Variants in MAP3K1 observed in about 807,000 individuals in gnomAD.
The protein encoded by MAP3K1 is mitogen-activated protein kinase kinase kinase 1, also known as MAP/ERK kinase kinase 1.
In MAP3K1, 36 loss-of-function variants were observed where a neutral mutation model predicts 144.2. That is an observed-to-expected ratio of 0.25 (90% CI 0.19 to 0.33). MAP3K1 has a LOEUF of 0.33. Ranked by LOEUF, MAP3K1 falls within the 10% of genes least tolerant of loss-of-function variation. The pLI, the probability that MAP3K1 is intolerant of heterozygous loss-of-function variation, is 1.00. For missense variants in MAP3K1, 1,650 were observed against 1,881.9 expected, an observed-to-expected ratio of 0.88 and a Z score of 2.28; for synonymous variants, 718 against 688.7, an observed-to-expected ratio of 1.04 and a Z score of -0.67.
chr5:56,880,842 T>C (rs753024889), intron 12 of MAP3K1, 40 bp downstream of exon 12: 3 of 1,500,052 alleles, frequency 2.0e-6, no homozygotes, highest in South Asian at 2.3e-5. Flanking sequence ...GCATATTTTA[T>C]CATGTTCCTG....
chr5:56,816,695 C>T (rs1745985131), intron 1 of MAP3K1, among the ~76,000 whole-genome samples: 1 of 152,166 alleles, frequency 6.6e-6, no homozygotes, highest in South Asian at 2.1e-4. Flanking sequence ...AGGAGGACGG[C>T]TCGGTAACGC....
At chr5:56,827,818 C>T (rs551239837) in intron 1 of MAP3K1, among the ~76,000 whole-genome samples, 4 of 151,644 alleles carry the variant, frequency 2.6e-5, no homozygotes, top group South Asian at 2.1e-4. Context: ...GAGCTGAGAT[C>T]GCGCCACTGC....
chr5:56,834,673 C>T (rs932862643), intron 1 of MAP3K1, among the ~76,000 whole-genome samples: 2 of 152,134 alleles, frequency 1.3e-5, no homozygotes, highest in African/African-American at 4.8e-5. Flanking sequence ...GATGCCACTG[C>T]ACTCCAGCCT....
intron 1 of MAP3K1, among the ~76,000 whole-genome samples, chr5:56,830,676 C>T (rs1746458624): frequency 6.6e-6 from 1 of 152,052 alleles, no homozygotes; most frequent in African/African-American, 2.4e-5. Flanking sequence ...CAGATGCTGT[C>T]CTTCTGCTTT....
Position 56,882,717 on chromosome 5 carries a change from C to G in MAP3K1, c.3517C>G (p.His1173Asp), listed in dbSNP as rs781361183. The change falls in exon 14 of 20, where the codon CAT (histidine) becomes GAT (aspartate). Residue 1173 changes from histidine (H) to aspartate (D), a missense_variant. This residue lies in a region of MAP3K1 where 841 missense variants were observed against 886.5 expected (regional missense o/e 0.95). Transcript: ENST00000399503. ...NDDTYKDDVNHNQKCKEKMEA... is the reference protein window; with the variant it reads ...NDDTYKDDVNDNQKCKEKMEA... Reference sequence around the variant, plus strand: ...TGATACCTACAAAGATGATGTGAATCATAATCAAAAGTGCAAAGAGAAGAT... The same window carrying G: ...TGATACCTACAAAGATGATGTGAATGATAATCAAAAGTGCAAAGAGAAGAT... The G allele has an allele frequency of 6.2e-7, 1 of 1,613,758 alleles. No homozygotes were observed. The highest frequency in any genetic ancestry group is 8.5e-7 in the Non-Finnish European group (1 of 1,179,870).
chr5:56,839,192 A>G (rs182205671), intron 1 of MAP3K1, among the ~76,000 whole-genome samples: 7 of 152,370 alleles, frequency 4.6e-5, no homozygotes, highest in Non-Finnish European at 7.3e-5. Context: ...GGTTGAGTAC[A>G]TGAACAGCAG....
Position 56,887,384 on chromosome 5 carries a change from A to G in MAP3K1, c.4121A>G (p.Asn1374Ser). 4 of 1,614,112 alleles carry G rather than the reference A, an allele frequency of 2.5e-6. No individual in the cohort carries two copies. The highest frequency in any genetic ancestry group is 3.4e-6 in the Non-Finnish European group (4 of 1,180,000). Reference protein sequence around the residue: ...QIIHRDVKGANLLIDSTGQRL... With the variant: ...QIIHRDVKGASLLIDSTGQRL... ...TTGCTGTGTTTGTTGACAGGTGCCA[A>G]TTTGCTAATTGACAGCACTGGTCAG... Residue 1374 changes from asparagine (N) to serine (S), a missense_variant, in exon 18 of 20, where the codon AAT (asparagine) becomes AGT (serine). Coordinates refer to ENST00000399503, the MANE Select transcript of MAP3K1 (RefSeq NM_005921.2).
chr5:56,872,579 T>C (rs1483501912), intron 7 of MAP3K1, 62 bp from the exon 8 acceptor site: 4 of 945,688 alleles, frequency 4.2e-6, no homozygotes, highest in African/African-American at 1.7e-5. Flanking sequence ...TAAACAGTTA[T>C]GAAATAAAAA....
chr5:56,864,585 G>A (rs748527074), intron 3 of MAP3K1, 149 bp from the exon 4 acceptor site: 28 of 726,402 alleles, frequency 3.9e-5, no homozygotes, highest in Admixed American at 1.3e-4. Flanking sequence ...ATGTTAACCC[G>A]GATGGTCTGG....
intron 3 of MAP3K1, among the ~76,000 whole-genome samples, chr5:56,862,843 A>T (rs1413100095): frequency 6.6e-6 from 1 of 152,164 alleles, no homozygotes; most frequent in African/African-American, 2.4e-5. Context: ...CATCTACTGT[A>T]CAATTCACCT....
intron 1 of MAP3K1, among the ~76,000 whole-genome samples, chr5:56,847,642 A>G (rs1747039594): frequency 6.6e-6 from 1 of 152,228 alleles, no homozygotes; most frequent in South Asian, 2.1e-4. Flanking sequence ...TCTCAAATTC[A>G]TATTTGAATA....
chr5:56,872,999 G>C lies in MAP3K1; in HGVS notation c.1680G>C (p.Trp560Cys). ...CTTACAAAGATTTAGCTGAGCCATGGATTCAGGTAAGTAGTTCTTTGTTTT... is the reference window on the plus strand; with the variant it reads ...CTTACAAAGATTTAGCTGAGCCATGCATTCAGGTAAGTAGTTCTTTGTTTT... ...PPAYKDLAEP[W>C]IQVFGMELVG... The change falls in exon 9 of 20, where the codon TGG (tryptophan) becomes TGC (cysteine). Residue 560 changes from tryptophan (W) to cysteine (C), a missense_variant. By Grantham distance (215) the Trp-to-Cys change is radical. Around this residue, in one of 6 missense-constraint regions of MAP3K1, gnomAD observed 841 missense variants for 886.5 expected, o/e 0.95. Coordinates refer to ENST00000399503, the MANE Select transcript of MAP3K1 (RefSeq NM_005921.2). 1 of 1,613,652 alleles carries C rather than the reference G, an allele frequency of 6.2e-7. No homozygotes were observed. The highest frequency in any genetic ancestry group is 8.5e-7 in the Non-Finnish European group (1 of 1,179,712).
In MAP3K1 at chr5:56,817,028, G is replaced by A. The variant is rs547712713; in HGVS notation, c.482+973G>A. On this transcript the variant is annotated intron_variant, in intron 1 of 19. Transcript: ENST00000399503. ...TGCTTCCTGCTCGGTGCCCTGGCGC[G>A]GGCCGCCCGCTGAATTCCAGGGGCC... The A allele has an allele frequency of 2.3e-4, 224 of 983,954 alleles. No individual in the cohort carries two copies. The African/African-American group carries it at 3.8e-3, about 17-fold the overall frequency. 61.0% of individuals were successfully genotyped at this position (983,954 alleles called of 1,614,324 possible).
intron 1 of MAP3K1, among the ~76,000 whole-genome samples, chr5:56,822,439 G>C (rs1021701316): frequency 3.9e-5 from 6 of 152,150 alleles, no homozygotes; most frequent in Non-Finnish European, 8.8e-5. Flanking sequence ...AAAATAATTG[G>C]AGCCATGCTC....
chr5:56,886,160 T>G, intron 17 of MAP3K1, 97 bp downstream of exon 17: 1 of 993,432 alleles, frequency 1.0e-6, no homozygotes, highest in Non-Finnish European at 1.6e-6. Context: ...TCCCAGTACT[T>G]TGGGAGGTGA....
Position 56,887,487 on chromosome 5 carries a change from A to G in MAP3K1, c.4224A>G (p.Gln1408=), listed in dbSNP as rs181921031. The G allele has an allele frequency of 1.9e-5, 30 of 1,614,162 alleles. No homozygotes were observed. The highest frequency in any genetic ancestry group is 2.4e-5 in the Non-Finnish European group (28 of 1,180,006). Reference sequence around the variant, plus strand: ...CTGGTGCAGGAGAGTTTCAGGGACAATTACTGGGGACAATTGCATTTATGG... The same window carrying G: ...CTGGTGCAGGAGAGTTTCAGGGACAGTTACTGGGGACAATTGCATTTATGG... ...KGTGAGEFQG[Q]LLGTIAFMAP... The change falls in exon 18 of 20, where the codon CAA becomes CAG. Residue 1408 remains glutamine, a synonymous_variant. Transcript: ENST00000399503.
At chr5:56,867,112 G>A (rs1209836183) in intron 6 of MAP3K1, among the ~76,000 whole-genome samples, 5 of 152,272 alleles carry the variant, frequency 3.3e-5, no homozygotes, top group Middle Eastern at 3.4e-3. Flanking sequence ...GATTACAAGT[G>A]TGAACCACCA....
chr5:56,865,654 C>T (rs1395699604), intron 5 of MAP3K1, among the ~76,000 whole-genome samples, 175 bp from the exon 6 acceptor site: 1 of 151,496 alleles, frequency 6.6e-6, no homozygotes, highest in African/African-American at 2.4e-5. Flanking sequence ...CAAACACTGA[C>T]CTGCTGTAAG....
intron 18 of MAP3K1, 35 bp downstream of exon 18, chr5:56,887,555 A>G: frequency 1.2e-6 from 2 of 1,612,772 alleles, no homozygotes; most frequent in Non-Finnish European, 8.5e-7. Flanking sequence ...GACAGAAAAT[A>G]TTTTGGAATT....
Sources: gnomAD v4.1 joint callset for allele counts (sites outside exome capture counted in the v4.1 genomes callset) on GRCh38, gnomAD v4.1.1 for gene constraint, gnomAD v4.1.1 regional missense constraint, MANE v1.5 for transcripts, NCBI Gene and HGNC (gene_info 2026-07-23, HGNC 2026-07-21) for gene names.